Variants in AGBL4 observed in about 807,000 individuals in gnomAD.
AGBL4 encodes the protein AGBL carboxypeptidase 4, also known as cytosolic carboxypeptidase 6.
In AGBL4, 58 loss-of-function variants were observed where a neutral mutation model predicts 66.4. The ratio of observed to expected loss-of-function variants is 0.87; its 90% CI spans 0.71 to 1.09. The LOEUF (loss-of-function observed/expected upper bound fraction) is 1.09, where lower values mean the gene tolerates loss of function less well. Among genes scored for constraint, AGBL4 ranks in the 50% least tolerant of loss-of-function variants. AGBL4 has a pLI of 0.00. For synonymous variants in AGBL4, 234 were observed against 222.9 expected, an observed-to-expected ratio of 1.05 and a Z score of -0.44; for missense variants, 579 against 631.0, an observed-to-expected ratio of 0.92 and a Z score of 0.88.
At chr1:49,884,614 G>C (rs1009538075) in intron 1 of AGBL4, among the ~76,000 whole-genome samples, 3 of 151,454 alleles carry the variant, frequency 2.0e-5, no homozygotes, top group African/African-American at 7.3e-5. Context: ...CAAAATATTT[G>C]TCCCCAAACA....
chr1:48,663,455 C>T (rs982280889), intron 6 of AGBL4, among the ~76,000 whole-genome samples: 1 of 152,168 alleles, frequency 6.6e-6, no homozygotes, highest in Non-Finnish European at 1.5e-5. Flanking sequence ...GTTGGTACAA[C>T]TGATCATATT....
At chr1:49,186,030 C>A (rs1647010470) in intron 4 of AGBL4, among the ~76,000 whole-genome samples, 1 of 152,130 alleles carries the variant, frequency 6.6e-6, no homozygotes, top group Non-Finnish European at 1.5e-5. Context: ...CTTCTCCCTC[C>A]ATTCTTGGAC....
intron 5 of AGBL4, among the ~76,000 whole-genome samples, chr1:48,919,453 C>T (rs1398932919): frequency 6.6e-6 from 1 of 152,120 alleles, no homozygotes; most frequent in Non-Finnish European, 1.5e-5. Context: ...ATTTATTCCC[C>T]ATCCAAGCAA....
intron 2 of AGBL4, among the ~76,000 whole-genome samples, chr1:49,798,877 T>C (rs1045021345): frequency 1.5e-4 from 23 of 152,194 alleles, no homozygotes; most frequent in African/African-American, 5.3e-4. Context: ...AATGCCAGCA[T>C]AGTTAAGTGT....
chr1:49,015,426 T>TC (rs1662741649), intron 5 of AGBL4, among the ~76,000 whole-genome samples: 1 of 149,794 alleles, frequency 6.7e-6, no homozygotes, highest in East Asian at 1.9e-4. Context: ...CAAGTAATTT[T>TC]TTTTTTTTTT....
At chr1:48,776,985 T>A in intron 6 of AGBL4, 1 of 213,980 alleles carries the variant, frequency 4.7e-6, no homozygotes, top group Non-Finnish European at 8.4e-6. Context: ...TTATTGTTCC[T>A]GAAAGCACCG....
intron 1 of AGBL4, among the ~76,000 whole-genome samples, chr1:49,877,251 A>G (rs1302209988): frequency 2.0e-5 from 3 of 150,930 alleles, no homozygotes; most frequent in Non-Finnish European, 4.4e-5. Context: ...TTCAAAGGGA[A>G]TGCTTCCAGT....
chr1:49,212,441 G>A (rs1557734129), intron 4 of AGBL4, among the ~76,000 whole-genome samples: 2 of 152,164 alleles, frequency 1.3e-5, no homozygotes, highest in East Asian at 3.9e-4. Context: ...GAACACTGAC[G>A]TTATCAATTC....
chr1:49,988,662 C>T (rs987920651), intron 1 of AGBL4, among the ~76,000 whole-genome samples: 2 of 152,146 alleles, frequency 1.3e-5, no homozygotes, highest in African/African-American at 4.8e-5. Context: ...AACTTAAGTA[C>T]TGTAGTTCTA....
chr1:48,526,252 A>G, the AGBL4 span, among the ~76,000 whole-genome samples: 1 of 152,220 alleles, frequency 6.6e-6, no homozygotes, highest in Non-Finnish European at 1.5e-5. Flanking sequence ...GTACACAAAA[A>G]GGAGGAGGGG....
At chr1:49,875,283 T>C (rs1646961022) in intron 1 of AGBL4, among the ~76,000 whole-genome samples, 2 of 141,324 alleles carry the variant, frequency 1.4e-5, no homozygotes, top group Admixed American at 7.2e-5. Flanking sequence ...ATTAGGTATA[T>C]CTCCCAATGC....
At chr1:49,442,051 T>C (rs1227817569) in intron 3 of AGBL4, among the ~76,000 whole-genome samples, 1 of 152,194 alleles carries the variant, frequency 6.6e-6, no homozygotes, top group African/African-American at 2.4e-5. Context: ...GCCAGCTACC[T>C]GGTAGCAGAT....
chr1:48,523,531 C>T, the AGBL4 span, among the ~76,000 whole-genome samples: 2 of 152,164 alleles, frequency 1.3e-5, no homozygotes, highest in Non-Finnish European at 2.9e-5. Context: ...TGGGTTAGTG[C>T]TCTTTCAACC....
intron 1 of AGBL4, among the ~76,000 whole-genome samples, chr1:50,008,204 C>T (rs1661279327): frequency 6.6e-6 from 1 of 152,226 alleles, no homozygotes; most frequent in Admixed American, 6.5e-5. Flanking sequence ...CAACCAATGG[C>T]TGCAGAATCC....
intron 3 of AGBL4, among the ~76,000 whole-genome samples, chr1:49,552,771 T>C (rs1405913): frequency 0.69 from 104,332 of 152,068 alleles, 36,566 homozygotes; most frequent in African/African-American, 0.78. Flanking sequence ...TGCAAGGCCC[T>C]GCATACTGCT....
At chr1:48,982,187 T>C (rs1299463737) in intron 5 of AGBL4, among the ~76,000 whole-genome samples, 7 of 152,308 alleles carry the variant, frequency 4.6e-5, no homozygotes, top group African/African-American at 1.7e-4. Flanking sequence ...GACAGGGCTG[T>C]GGTGCCAACT....
chr1:48,862,422 C>T (rs372431921), intron 6 of AGBL4, among the ~76,000 whole-genome samples: 16 of 152,278 alleles, frequency 1.1e-4, no homozygotes, highest in East Asian at 9.6e-4. Flanking sequence ...CCCAGGTTCA[C>T]GCCATTCTCC....
intron 6 of AGBL4, among the ~76,000 whole-genome samples, chr1:48,703,642 T>C (rs1348231011): frequency 2.0e-5 from 3 of 152,006 alleles, no homozygotes; most frequent in Non-Finnish European, 4.4e-5. Context: ...CAAAAAGACA[T>C]AGTTAGCTAG....
rs530969684 is a variant in AGBL4, at chr1:49,428,609, T to G, written c.283-182745A>C. Among the ~76,000 whole-genome samples the G allele has an allele frequency of 7.9e-4, 121 of 152,374 alleles. 1 individual carries two copies. The highest frequency in any genetic ancestry group is 2.8e-3 in the African/African-American group (116 of 41,586). ...GTTTCTGAATCTTCCATCCAGATCC[T>G]TCTCAATTCTAAGATGCAGATTCAG... On this transcript the variant is annotated intron_variant, in intron 3 of 13. Transcript: ENST00000371839.
Sources: gnomAD v4.1 joint callset for allele counts (sites outside exome capture counted in the v4.1 genomes callset) on GRCh38, gnomAD v4.1.1 for gene constraint, MANE v1.5 for transcripts, NCBI Gene and HGNC (gene_info 2026-07-23, HGNC 2026-07-21) for gene names.